CNTNAP2: variants seen among roughly 807,000 people sequenced by gnomAD.
CNTNAP2 encodes contactin-associated protein-like 2.
CNTNAP2 carries 98 observed loss-of-function variants against 155.2 expected under a neutral mutation model. The ratio of observed to expected loss-of-function variants is 0.63; its 90% CI spans 0.54 to 0.75. CNTNAP2 has a LOEUF of 0.75. Among genes scored for constraint, CNTNAP2 ranks in the 30% least tolerant of loss-of-function variants. CNTNAP2 has a pLI of 0.00. For missense variants in CNTNAP2, 1,727 were observed against 1,688.1 expected (o/e 1.02, Z -0.40); for synonymous variants, 651 against 631.2 (o/e 1.03, Z -0.47).
intron 1 of CNTNAP2, among the ~76,000 whole-genome samples, chr7:146,398,994 T>C (rs996562992): frequency 5.9e-5 from 9 of 151,800 alleles, no homozygotes; most frequent in African/African-American, 2.2e-4. Context: ...TAAATATAAA[T>C]GTTTTTACTC....
intron 13 of CNTNAP2, among the ~76,000 whole-genome samples, chr7:147,745,948 A>AATT (rs1797034948): frequency 6.6e-6 from 1 of 152,076 alleles, no homozygotes; most frequent in Non-Finnish European, 1.5e-5. Flanking sequence ...AATATATTCA[A>AATT]TGAACTTCTT....
intron 5 of CNTNAP2, among the ~76,000 whole-genome samples, chr7:147,119,144 GCACA>G (rs145244072): frequency 6.6e-6 from 1 of 152,010 alleles, no homozygotes; most frequent in African/African-American, 2.4e-5. Flanking sequence ...GCACACGTGT[GCACA>G]CACACACACT....
chr7:148,129,155 G>C (rs1415794539), intron 16 of CNTNAP2, among the ~76,000 whole-genome samples: 1 of 152,052 alleles, frequency 6.6e-6, no homozygotes, highest in African/African-American at 2.4e-5. Flanking sequence ...TGAAGTCCAG[G>C]ACACAGGCTC....
At position 147,476,458 on chromosome 7, in the gene CNTNAP2, G is replaced by A. The variant is rs184702193; in HGVS notation, c.1671-9477G>A. Among the ~76,000 whole-genome samples, 83 of 144,896 alleles carry A rather than the reference G, an allele frequency of 5.7e-4. No homozygotes were observed. In the East Asian group the frequency reaches 0.011, roughly 19 times the overall value. On this transcript the variant is annotated intron_variant, in intron 10 of 23. Coordinates refer to ENST00000361727, the MANE Select transcript of CNTNAP2 (RefSeq NM_014141.6). Reference sequence around the variant, plus strand: ...TTCATCATGACTTTTTAAGTTTCCCGTTAGTAGTGTTTGTGGTTATATTCT... The same window carrying A: ...TTCATCATGACTTTTTAAGTTTCCCATTAGTAGTGTTTGTGGTTATATTCT...
intron 13 of CNTNAP2, among the ~76,000 whole-genome samples, chr7:147,667,820 T>TAA (rs1563045555): frequency 0.01 from 1,470 of 140,460 alleles, 34 homozygotes; most frequent in African/African-American, 0.037. Context: ...ATAAAAAAAA[T>TAA]AAAATAAAAA....
intron 9 of CNTNAP2, among the ~76,000 whole-genome samples, chr7:147,394,204 C>T (rs1195878537): frequency 6.6e-6 from 1 of 151,882 alleles, no homozygotes; most frequent in East Asian, 1.9e-4. Flanking sequence ...TGCTGCTGCC[C>T]TGTGAAGAAG....
At chr7:147,595,615 A>T (rs964514038) in intron 12 of CNTNAP2, among the ~76,000 whole-genome samples, 4 of 152,236 alleles carry the variant, frequency 2.6e-5, no homozygotes, top group South Asian at 2.1e-4. Flanking sequence ...CTTGCTTTCC[A>T]TAATAACTTA....
At chr7:146,948,209 T>C (rs1584742027) in intron 3 of CNTNAP2, among the ~76,000 whole-genome samples, 2 of 151,936 alleles carry the variant, frequency 1.3e-5, no homozygotes, top group South Asian at 4.2e-4. Context: ...CCAAATATTT[T>C]ATGCCAATTT....
chr7:146,955,330 G>C (rs745668645), intron 3 of CNTNAP2, among the ~76,000 whole-genome samples: 4 of 151,918 alleles, frequency 2.6e-5, no homozygotes, highest in Non-Finnish European at 5.9e-5. Context: ...GTAGTTGGAA[G>C]ATTTTTCCTC....
At chr7:148,119,528 T>C (rs1268397684) in intron 16 of CNTNAP2, among the ~76,000 whole-genome samples, 1 of 152,040 alleles carries the variant, frequency 6.6e-6, no homozygotes, top group Non-Finnish European at 1.5e-5. Flanking sequence ...AGAGCGAGAC[T>C]CCGTCTCAGA....
At chr7:147,655,790 C>T (rs1795517766) in intron 13 of CNTNAP2, among the ~76,000 whole-genome samples, 2 of 152,160 alleles carry the variant, frequency 1.3e-5, no homozygotes, top group Admixed American at 1.3e-4. Flanking sequence ...TTCAAGTAAC[C>T]TGCTGCATTA....
intron 1 of CNTNAP2, among the ~76,000 whole-genome samples, chr7:146,319,715 A>G (rs1800967956): frequency 6.6e-6 from 1 of 152,212 alleles, no homozygotes; most frequent in South Asian, 2.1e-4. Flanking sequence ...TGAGTGGGGC[A>G]CTGAATCTGA....
intron 13 of CNTNAP2, among the ~76,000 whole-genome samples, chr7:147,817,190 G>T (rs976712253): frequency 2.0e-5 from 3 of 152,138 alleles, no homozygotes; most frequent in African/African-American, 7.2e-5. Context: ...GAGGAGCACA[G>T]CTGTAAATTT....
At chr7:147,926,708 G>A (rs906414169) in intron 14 of CNTNAP2, among the ~76,000 whole-genome samples, 2 of 151,958 alleles carry the variant, frequency 1.3e-5, no homozygotes, top group African/African-American at 4.8e-5. Context: ...AATGTCAAAC[G>A]GGAAAGTAAA....
intron 1 of CNTNAP2, among the ~76,000 whole-genome samples, chr7:146,315,577 G>A (rs1006726414): frequency 6.6e-6 from 1 of 152,160 alleles, no homozygotes; most frequent in Non-Finnish European, 1.5e-5. Context: ...TATTTACTTG[G>A]TGTGTCTGTG....
intron 3 of CNTNAP2, among the ~76,000 whole-genome samples, chr7:146,896,248 A>G (rs1176956788): frequency 6.6e-6 from 1 of 152,062 alleles, no homozygotes; most frequent in Non-Finnish European, 1.5e-5. Flanking sequence ...CTCATTTATT[A>G]TCACCCCCAA....
At chr7:147,832,667 A>C (rs1798570638) in intron 13 of CNTNAP2, among the ~76,000 whole-genome samples, 1 of 146,104 alleles carries the variant, frequency 6.8e-6, no homozygotes, top group Non-Finnish European at 1.5e-5. Context: ...AATATATTTC[A>C]ATATATTATA....
intron 1 of CNTNAP2, among the ~76,000 whole-genome samples, chr7:146,177,468 T>A (rs2116830084): frequency 1.3e-5 from 2 of 152,292 alleles, no homozygotes; most frequent in South Asian, 4.1e-4. Context: ...TGTGATGTAT[T>A]TTCTTCTGTG....
intron 1 of CNTNAP2, among the ~76,000 whole-genome samples, chr7:146,464,185 CTGTTTT>C (rs1419344836): frequency 9.9e-5 from 9 of 90,884 alleles, no homozygotes; most frequent in Admixed American, 9.3e-4. Context: ...TCCTTTGAAA[CTGTTTT>C]TTTTTTTTTT....
Sources: gnomAD v4.1 joint callset for allele counts (sites outside exome capture counted in the v4.1 genomes callset) on GRCh38, gnomAD v4.1.1 for gene constraint, MANE v1.5 for transcripts, NCBI Gene and HGNC (gene_info 2026-07-23, HGNC 2026-07-21) for gene names.